Variants in DZIP3 observed in about 807,000 individuals in gnomAD.
The protein encoded by DZIP3 is DAZ interacting zinc finger protein 3, also known as E3 ubiquitin-protein ligase DZIP3.
Under a neutral mutation model 162.0 loss-of-function variants are expected in DZIP3, and 118 were observed. The ratio of observed to expected loss-of-function variants is 0.73; its 90% CI spans 0.63 to 0.85. The LOEUF (loss-of-function observed/expected upper bound fraction) is 0.85. Ranked by LOEUF, DZIP3 falls within the 40% of genes least tolerant of loss-of-function variation. DZIP3 has a pLI of 0.00. For synonymous variants in DZIP3, 438 were observed against 458.6 expected, an observed-to-expected ratio of 0.96 and a Z score of 0.57; for missense variants, 1,331 against 1,407.0, an observed-to-expected ratio of 0.95 and a Z score of 0.86.
rs1240295043 is a variant in DZIP3, at chr3:108,647,951, A to T, written c.1801A>T (p.Ile601Leu). 1 of 1,551,180 alleles carries T rather than the reference A, an allele frequency of 6.4e-7. No homozygotes were observed. The highest frequency in any genetic ancestry group is 1.3e-5 in the South Asian group (1 of 79,712). Residue 601 changes from isoleucine (I) to leucine (L), a missense_variant, in exon 16 of 33, where the codon ATA becomes TTA. Ile to Leu is a conservative substitution (Grantham distance 5). Transcript: ENST00000361582. Reference sequence around the variant, plus strand: ...TTGTCTTTTATGTTTAGGTATTGAAATAGAAGAGTTACAGAATGAGGAAGA... The same window carrying T: ...TTGTCTTTTATGTTTAGGTATTGAATTAGAAGAGTTACAGAATGAGGAAGA... ...QSITGSQRIE[I>L]EELQNEEEEL...
At chr3:108,605,564 C>A in intron 2 of DZIP3, 126 bp downstream of exon 2, 2 of 922,516 alleles carry the variant, frequency 2.2e-6, no homozygotes, top group Non-Finnish European at 3.3e-6. Context: ...GATCATCAGG[C>A]ATTAGATTCT....
At chr3:108,665,970 T>C (rs1027889239) in intron 21 of DZIP3, among the ~76,000 whole-genome samples, 1 of 152,032 alleles carries the variant, frequency 6.6e-6, no homozygotes, top group Non-Finnish European at 1.5e-5. Flanking sequence ...TATAGGAAGG[T>C]CTCTAAACTT....
At chr3:108,677,360 C>T in intron 25 of DZIP3, 137 bp from the exon 26 acceptor site, 1 of 496,182 alleles carries the variant, frequency 2.0e-6, no homozygotes, top group Non-Finnish European at 3.5e-6. Flanking sequence ...TTGGTCAGAA[C>T]CTGTTTTTAT....
chr3:108,689,189 T>C (rs1172717910), intron 31 of DZIP3, among the ~76,000 whole-genome samples: 4 of 152,148 alleles, frequency 2.6e-5, no homozygotes, highest in African/African-American at 7.2e-5. Flanking sequence ...TTCCTTCGAA[T>C]AGAACTGGGA....
rs971506652 is a variant in DZIP3, at chr3:108,692,415, G to A, written c.*7-945G>A. Among the ~76,000 whole-genome samples, 15 of 152,108 alleles carry A rather than the reference G, an allele frequency of 9.9e-5. 1 individual carries two copies. The highest frequency in any genetic ancestry group is 6.6e-4 in the Admixed American group (10 of 15,256). On this transcript the variant is annotated intron_variant, in intron 32 of 32. Coordinates refer to ENST00000361582, the MANE Select transcript of DZIP3 (RefSeq NM_014648.4). Reference sequence around the variant, plus strand: ...GGCTTCTACACTAACATAAGCCCACGGAAATGAAACAGAAAGGGACAGTTC... The same window carrying A: ...GGCTTCTACACTAACATAAGCCCACAGAAATGAAACAGAAAGGGACAGTTC...
In DZIP3 at chr3:108,611,250, C is replaced by T; in HGVS notation, c.179C>T (p.Ala60Val). Reference protein sequence around the residue: ...LLLEVKKLLNAINTLPKGVVP... With the variant: ...LLLEVKKLLNVINTLPKGVVP... ...TTAGAAGTGAAGAAGTTATTAAATG[C>T]AATTAATACTCTACCAAAAGGTGTG... The change falls in exon 4 of 33, where the codon GCA becomes GTA. Residue 60 changes from alanine to valine, a missense_variant. Coordinates refer to ENST00000361582, the MANE Select transcript of DZIP3 (RefSeq NM_014648.4). 1 of 1,612,080 alleles carries T rather than the reference C, an allele frequency of 6.2e-7. No individual in the cohort carries two copies. The highest frequency in any genetic ancestry group is 8.5e-7 in the Non-Finnish European group (1 of 1,179,358).
At chr3:108,679,831 C>T (rs1439672520) in intron 26 of DZIP3, among the ~76,000 whole-genome samples, 2 of 152,014 alleles carry the variant, frequency 1.3e-5, no homozygotes, top group Non-Finnish European at 2.9e-5. Context: ...GAGTGGTCAC[C>T]AGACTTCCAT....
intron 7 of DZIP3, among the ~76,000 whole-genome samples, chr3:108,628,778 G>T (rs929447663): frequency 6.6e-6 from 1 of 152,000 alleles, no homozygotes; most frequent in African/African-American, 2.4e-5. Context: ...TTTCTTCAAG[G>T]CCTCCAAGAC....
At chr3:108,637,404 T>C (rs566885607) in intron 11 of DZIP3, 92 bp from the exon 12 acceptor site, 1 of 1,131,980 alleles carries the variant, frequency 8.8e-7, no homozygotes, top group Admixed American at 2.0e-5. Context: ...TTCACTCTCA[T>C]TGTATGTTTC....
intron 10 of DZIP3, among the ~76,000 whole-genome samples, 160 bp from the exon 11 acceptor site, chr3:108,636,456 T>C (rs1292607818): frequency 6.6e-6 from 1 of 152,042 alleles, no homozygotes; most frequent in South Asian, 2.1e-4. Context: ...TCCATTGATA[T>C]ATGAAATGGA....
chr3:108,619,125 C>G (rs1382159288), intron 5 of DZIP3, among the ~76,000 whole-genome samples: 1 of 145,756 alleles, frequency 6.9e-6, no homozygotes, highest in Non-Finnish European at 1.5e-5. Flanking sequence ...ATTCTATGTA[C>G]CTAGAAAAAT....
chr3:108,616,220 C>T (rs1327136602), intron 4 of DZIP3, among the ~76,000 whole-genome samples: 3 of 151,050 alleles, frequency 2.0e-5, no homozygotes, highest in East Asian at 2.0e-4. Flanking sequence ...GCTGAGATTG[C>T]GCCAGTGAAC....
In DZIP3 at chr3:108,631,055, A is replaced by ACTCTCTCTCTCTCTCT. The variant is rs1270598841; in HGVS notation, c.697-1874_697-1859dup. Among the ~76,000 whole-genome samples the ACTCTCTCTCTCTCTCT allele has an allele frequency of 4.7e-3, 84 of 17,986 alleles. 2 individuals carry two copies. Among genetic ancestry groups the ACTCTCTCTCTCTCTCT allele is most frequent in the Middle Eastern group, 0.062 (1 of 16 alleles). The allele number at this position is 17,986 out of a possible 152,430, so 11.8% of individuals were successfully genotyped here. A position where few individuals can be genotyped will look rare whatever the true frequency, so the allele number is the denominator to read the frequency against. ...CACACACACACACACACACACACACACTCTCTCTCTCTCTCTCTCTCTCTC... is the reference window on the plus strand; with the variant it reads ...CACACACACACACACACACACACACACTCTCTCTCTCTCTCTCTCTCTCTCTCTCTCTCTCTCTCTC... On this transcript the variant is annotated intron_variant, in intron 8 of 32. Transcript: ENST00000361582.
intron 19 of DZIP3, among the ~76,000 whole-genome samples, chr3:108,659,504 A>T (rs1421576683): frequency 6.6e-6 from 1 of 152,188 alleles, no homozygotes; most frequent in African/African-American, 2.4e-5. Context: ...AGTAAGAGCT[A>T]TCTATGACAA....
At position 108,648,065 on chromosome 3, in the gene DZIP3, T is replaced by G. The variant is rs757785826; in HGVS notation, c.1915T>G (p.Ser639Ala). 5 of 1,610,474 alleles carry G rather than the reference T, an allele frequency of 3.1e-6. No homozygotes were observed. The Admixed American group carries it at 6.7e-5, about 22-fold the overall frequency. The change falls in exon 16 of 33, where the codon TCA (serine) becomes GCA (alanine). Residue 639 changes from serine to alanine, a missense_variant. This residue lies in a region of DZIP3 where 1,278 missense variants were observed against 1,317.1 expected (regional missense o/e 0.97). Coordinates refer to ENST00000361582, the MANE Select transcript of DZIP3 (RefSeq NM_014648.4). ...TGCAGAAATTAATAAAGATGGGACC[T>G]CAATACCCAGTGAATCTTCAACAGA... ...QFAEINKDGT[S>A]IPSESSTESL...
At chr3:108,653,398 G>A (rs1044204173) in intron 18 of DZIP3, among the ~76,000 whole-genome samples, 4 of 150,858 alleles carry the variant, frequency 2.7e-5, no homozygotes, top group African/African-American at 9.7e-5. Flanking sequence ...AAGGAGATTA[G>A]GAAGGAAATT....
intron 27 of DZIP3, among the ~76,000 whole-genome samples, chr3:108,684,704 TA>T (rs1480295989): frequency 2.2e-4 from 33 of 152,152 alleles, no homozygotes; most frequent in Non-Finnish European, 7.4e-5. Flanking sequence ...CAACAAACTA[TA>T]TTATGGCACA....
intron 5 of DZIP3, among the ~76,000 whole-genome samples, chr3:108,622,556 G>A (rs1941402256): frequency 6.6e-6 from 1 of 152,148 alleles, no homozygotes; most frequent in South Asian, 2.1e-4. Flanking sequence ...GCATTGGAGA[G>A]TTAGGTATTC....
chr3:108,672,596 C>T lies in DZIP3; in HGVS notation c.2529C>T (p.Ser843=). The part of the protein sequence containing the change: ...QWEMEKHNLE[S]TMKTYVSKLN... ...AAATGGAAAAACATAATCTGGAAAG[C>T]ACAATGAAAACATACGTAAGCAAAC... Residue 843 remains serine (S), a synonymous_variant, in exon 23 of 33, where the codon AGC becomes AGT. Transcript: ENST00000361582. 6.2e-7 allele frequency: 1 copy of T among 1,611,426 alleles called. No homozygotes were observed. The highest frequency in any genetic ancestry group is 1.1e-5 in the South Asian group (1 of 90,974).
Sources: allele counts gnomAD v4.1 joint callset (sites outside exome capture counted in the v4.1 genomes callset), GRCh38; gene constraint gnomAD v4.1.1; regional missense constraint gnomAD v4.1.1; transcripts MANE v1.5; gene names NCBI Gene and HGNC (gene_info 2026-07-23, HGNC 2026-07-21).